PTPRC: variants seen among roughly 807,000 people sequenced by gnomAD.
The protein encoded by PTPRC is receptor-type tyrosine-protein phosphatase C.
Under a neutral mutation model 155.9 loss-of-function variants are expected in PTPRC, and 44 were observed. The ratio of observed to expected loss-of-function variants is 0.28; its 90% CI spans 0.22 to 0.36. The LOEUF (loss-of-function observed/expected upper bound fraction) is 0.36, where lower values mean the gene tolerates loss of function less well. PTPRC is among the 10% of genes least tolerant of loss of function. The pLI, the probability that PTPRC is intolerant of heterozygous loss-of-function variation, is 1.00. For missense variants in PTPRC, 1,401 were observed against 1,564.6 expected (o/e 0.90, Z 1.76); for synonymous variants, 525 against 533.1 (o/e 0.98, Z 0.21).
rs777117886 is a variant in PTPRC at position 198,735,213 on chromosome 1, A to G, written c.2364A>G (p.Arg788=). 6.2e-7 allele frequency: 1 copy of G among 1,604,260 alleles called. No homozygotes were observed. Among genetic ancestry groups the G allele is most frequent in the Non-Finnish European group, 8.5e-7 (1 of 1,174,090 alleles). Residue 788 remains arginine, a synonymous_variant, in exon 23 of 33, where the codon AGA becomes AGG. Transcript: ENST00000442510. ...DVVVKINQHK[R]CPDYIIQKLN... is the part of the protein sequence containing the mutation. ...TTGTAAAGATCAACCAGCACAAAAG[A>G]TGTCCAGATTACATCATTCAGAAAT...
At chr1:198,709,614 G>A (rs1342397716) in intron 10 of PTPRC, 73 bp from the exon 11 acceptor site, 8 of 1,259,280 alleles carry the variant, frequency 6.4e-6, no homozygotes, top group Non-Finnish European at 8.6e-6. Flanking sequence ...AATTATAAAT[G>A]TGAAATTAGA....
At chr1:198,740,721 T>C (rs778780790) in intron 23 of PTPRC, among the ~76,000 whole-genome samples, 21 of 151,878 alleles carry the variant, frequency 1.4e-4, no homozygotes, top group Non-Finnish European at 2.7e-4. Flanking sequence ...GATGCTACTA[T>C]GAGCAGTTAT....
intron 4 of PTPRC, among the ~76,000 whole-genome samples, chr1:198,697,889 C>G (rs1194593377): frequency 6.6e-6 from 1 of 152,122 alleles, no homozygotes; most frequent in Non-Finnish European, 1.5e-5. Flanking sequence ...ATGGTCAGTG[C>G]CTTCCTACAG....
intron 30 of PTPRC, 85 bp from the exon 31 acceptor site, chr1:198,752,509 G>GTAAC: frequency 6.6e-7 from 1 of 1,521,976 alleles, no homozygotes; most frequent in Non-Finnish European, 9.0e-7. Flanking sequence ...TTAAATAGAA[G>GTAAC]TAACTGTGAA....
At chr1:198,723,112 C>CATATATAT (rs3033891) in intron 15 of PTPRC, among the ~76,000 whole-genome samples, 30 of 144,106 alleles carry the variant, frequency 2.1e-4, no homozygotes, top group African/African-American at 5.3e-4. Flanking sequence ...TAGTTTCCTT[C>CATATATAT]ATATATATAT....
chr1:198,725,989 G>T (rs1349084595), intron 15 of PTPRC, among the ~76,000 whole-genome samples: 1 of 152,110 alleles, frequency 6.6e-6, no homozygotes, highest in Non-Finnish European at 1.5e-5. Flanking sequence ...TATTAGCAGG[G>T]TTCCTGGAAA....
At chr1:198,749,238 G>A (rs1571893243) in intron 27 of PTPRC, among the ~76,000 whole-genome samples, 178 bp from the exon 28 acceptor site, 1 of 151,468 alleles carries the variant, frequency 6.6e-6, no homozygotes, top group East Asian at 1.9e-4. Flanking sequence ...TTAGACTTTT[G>A]TTGTATAATT....
intron 2 of PTPRC, among the ~76,000 whole-genome samples, chr1:198,644,317 A>C (rs1272289482): frequency 6.6e-6 from 1 of 150,618 alleles, no homozygotes; most frequent in African/African-American, 2.5e-5. Context: ...GCATACATAA[A>C]GACCTCACTT....
At chr1:198,717,683 G>T (rs919483504) in intron 13 of PTPRC, among the ~76,000 whole-genome samples, 3 of 152,104 alleles carry the variant, frequency 2.0e-5, no homozygotes, top group African/African-American at 4.8e-5. Flanking sequence ...ACCCATCTAG[G>T]TGTTTACCAG....
intron 31 of PTPRC, among the ~76,000 whole-genome samples, chr1:198,753,967 T>TCAA (rs1362546630): frequency 6.6e-6 from 1 of 152,062 alleles, no homozygotes; most frequent in Non-Finnish European, 1.5e-5. Context: ...GATATTGGTT[T>TCAA]CAACAACTTC....
chr1:198,729,564 T>C (rs1654295946), intron 17 of PTPRC, among the ~76,000 whole-genome samples: 1 of 152,134 alleles, frequency 6.6e-6, no homozygotes, highest in Non-Finnish European at 1.5e-5. Flanking sequence ...AAATAAGAAT[T>C]GGGCATTTTT....
intron 11 of PTPRC, 137 bp downstream of exon 11, chr1:198,709,961 A>T (rs1343377848): frequency 3.2e-6 from 4 of 1,237,808 alleles, no homozygotes; most frequent in Non-Finnish European, 3.4e-6. Context: ...ATTTCAATGA[A>T]GCGCAATTTA....
At chr1:198,721,036 G>T (rs1200923307) in intron 14 of PTPRC, among the ~76,000 whole-genome samples, 1 of 152,120 alleles carries the variant, frequency 6.6e-6, no homozygotes, top group Non-Finnish European at 1.5e-5. Context: ...AAATATAGGT[G>T]TACATCATAT....
chr1:198,696,928 T>G lies in PTPRC; in HGVS notation c.298+19T>G. 6.3e-7 allele frequency: 1 copy of G among 1,587,862 alleles called. No individual in the cohort carries two copies. The highest frequency in any genetic ancestry group is 8.6e-7 in the Non-Finnish European group (1 of 1,156,092). On this transcript the variant is annotated intron_variant, in intron 4 of 32. Transcript: ENST00000442510. ...ACCACAGGTTGGCACACAAAAGTTG[T>G]TAACTTAAATATCAGGGAATGTCAT...
chr1:198,677,358 A>G (rs1159116201), intron 2 of PTPRC, among the ~76,000 whole-genome samples: 1 of 152,170 alleles, frequency 6.6e-6, no homozygotes, highest in Admixed American at 6.5e-5. Context: ...TTTATTTTCC[A>G]GAAAGATTTC....
chr1:198,677,184 G>C (rs1462418953), intron 2 of PTPRC, among the ~76,000 whole-genome samples: 1 of 152,142 alleles, frequency 6.6e-6, no homozygotes, highest in South Asian at 2.1e-4. Context: ...TTTACAGCTT[G>C]CTAATACATA....
Position 198,756,245 on chromosome 1 carries a change from T to G in PTPRC, c.*64T>G. 6.3e-7 allele frequency: 1 copy of G among 1,591,316 alleles called. No individual in the cohort carries two copies. Among genetic ancestry groups the G allele is most frequent in the Non-Finnish European group, 8.6e-7 (1 of 1,163,838 alleles). On this transcript the variant is annotated 3_prime_UTR_variant, in exon 33 of 33. Coordinates refer to ENST00000442510, the MANE Select transcript of PTPRC (RefSeq NM_002838.5). ...GCTGTTATTTCTATTTTTGTAGAAG[T>G]AGGAAGTGAAAATAGGTATACAGTG...
chr1:198,692,406 TA>T, intron 3 of PTPRC, 33 bp downstream of exon 3: 1 of 1,347,784 alleles, frequency 7.4e-7, no homozygotes, highest in Non-Finnish European at 9.8e-7. Context: ...TTACTAATTT[TA>T]TTTTCTTGTT....
intron 20 of PTPRC, 37 bp downstream of exon 20, chr1:198,732,593 T>G (rs1654446382): frequency 6.9e-7 from 1 of 1,449,486 alleles, no homozygotes; most frequent in African/African-American, 1.4e-5. Context: ...TACCTACATA[T>G]TTCATTCAGC....
Sources: allele counts gnomAD v4.1 joint callset (sites outside exome capture counted in the v4.1 genomes callset), GRCh38; gene constraint gnomAD v4.1.1; transcripts MANE v1.5; gene names NCBI Gene and HGNC (gene_info 2026-07-23, HGNC 2026-07-21).